DHX8: variants seen among roughly 807,000 people sequenced by gnomAD.
The protein encoded by DHX8 is DEAH-box helicase 8.
Under a neutral mutation model 140.7 loss-of-function variants are expected in DHX8, and 67 were observed. That is an observed-to-expected ratio of 0.48 (90% CI 0.39 to 0.58). DHX8 has a LOEUF of 0.58. Among genes scored for constraint, DHX8 ranks in the 20% least tolerant of loss-of-function variants. The probability of loss-of-function intolerance (pLI) is 0.00; values close to 1 mark genes in which losing one functional copy is unlikely to be tolerated. For synonymous variants in DHX8, 533 were observed against 553.2 expected, an observed-to-expected ratio of 0.96 and a Z score of 0.51; for missense variants, 887 against 1,550.7, an observed-to-expected ratio of 0.57 and a Z score of 7.19.
At chr17:43,508,601 T>C in intron 16 of DHX8, 81 bp downstream of exon 16, 1 of 933,370 alleles carries the variant, frequency 1.1e-6, no homozygotes, top group Non-Finnish European at 1.6e-6. Context: ...TAGGGATTGC[T>C]TAGGGTGTAT....
downstream of DHX8, chr17:43,529,256 G>A (rs1229711655): frequency 6.2e-7 from 1 of 1,612,286 alleles, no homozygotes; most frequent in East Asian, 2.2e-5. Flanking sequence ...AAACAGTTTT[G>A]GGGTAGAGAT....
chr17:43,523,936 C>A lies in DHX8; in HGVS notation c.*89C>A. 1 of 1,554,100 alleles carries A rather than the reference C, an allele frequency of 6.4e-7. No individual in the cohort carries two copies. The highest frequency in any genetic ancestry group is 2.3e-5 in the East Asian group (1 of 43,844). Reference sequence around the variant, plus strand: ...GGCTGGTCCTGAGGATACAGCTGTCCCGTGACTGACTGTCTTAACTGAGCA... The same window carrying A: ...GGCTGGTCCTGAGGATACAGCTGTCACGTGACTGACTGTCTTAACTGAGCA... On this transcript the variant is annotated 3_prime_UTR_variant, in exon 23 of 23. Coordinates refer to ENST00000262415, the MANE Select transcript of DHX8 (RefSeq NM_004941.3).
intron 16 of DHX8, among the ~76,000 whole-genome samples, chr17:43,510,240 G>T (rs1258527960): frequency 6.6e-6 from 1 of 151,690 alleles, no homozygotes; most frequent in African/African-American, 2.4e-5. Context: ...TAGAGACAGG[G>T]TTTCTCCATT....
intron 17 of DHX8, among the ~76,000 whole-genome samples, chr17:43,515,086 G>A (rs762707245): frequency 2.0e-5 from 3 of 151,998 alleles, no homozygotes; most frequent in Non-Finnish European, 4.4e-5. Context: ...TTTATATGTT[G>A]TCTTAATCTT....
At chr17:43,538,203 A>G (rs951727443) in intron 3 of DHX8, among the ~76,000 whole-genome samples, 7 of 151,112 alleles carry the variant, frequency 4.6e-5, no homozygotes, top group African/African-American at 1.7e-4. Flanking sequence ...ACTATTCCGG[A>G]GGCTGAGACA....
At chr17:43,496,652 T>A (rs1968877517) in intron 9 of DHX8, among the ~76,000 whole-genome samples, 1 of 151,936 alleles carries the variant, frequency 6.6e-6, no homozygotes, top group African/African-American at 2.4e-5. Context: ...TGGTGGCGCA[T>A]GCCTATCGTC....
chr17:43,489,306 G>A (rs988532434), intron 1 of DHX8, 143 bp from the exon 2 acceptor site: 2 of 607,150 alleles, frequency 3.3e-6, no homozygotes, highest in African/African-American at 3.8e-5. Context: ...CACCTGGCCA[G>A]ATTTTCTCTC....
At chr17:43,537,342 G>T (rs1021346357) in intron 3 of DHX8, among the ~76,000 whole-genome samples, 2 of 152,026 alleles carry the variant, frequency 1.3e-5, no homozygotes, top group African/African-American at 4.8e-5. Context: ...TCCAGCCTGG[G>T]CAACAAGAGT....
intron 9 of DHX8, among the ~76,000 whole-genome samples, chr17:43,498,002 C>T (rs540882127): frequency 6.6e-6 from 1 of 152,330 alleles, no homozygotes; most frequent in East Asian, 1.9e-4. Flanking sequence ...CATTTTCTCA[C>T]AGGCTTAACT....
chr17:43,484,182 C>T lies in DHX8; in HGVS notation c.145C>T (p.Leu49Phe), dbSNP rs889999899. The T allele has an allele frequency of 1.9e-6, 3 of 1,613,660 alleles. No individual in the cohort carries two copies. The highest frequency in any genetic ancestry group is 1.1e-5 in the South Asian group (1 of 91,064). Residue 49 changes from leucine to phenylalanine, a missense_variant, in exon 1 of 23, where the codon CTT becomes TTT. Around this residue, in one of 9 missense-constraint regions of DHX8, gnomAD observed 304 missense variants for 306.9 expected, o/e 0.99. Transcript: ENST00000262415. ...DNHLGINDKD[L>F]AEFVISLAEK... ...TCACTTGGGGATCAACGACAAGGAC[C>T]TTGGTGAGCTCGGGGAGGTCCCTGG...
chr17:43,498,972 G>A lies in DHX8; in HGVS notation c.1398+13G>A. 1 of 1,568,970 alleles carries A rather than the reference G, an allele frequency of 6.4e-7. No individual in the cohort carries two copies. Among genetic ancestry groups the A allele is most frequent in the Non-Finnish European group, 8.6e-7 (1 of 1,159,026 alleles). On this transcript the variant is annotated intron_variant, in intron 10 of 22. Coordinates refer to ENST00000262415, the MANE Select transcript of DHX8 (RefSeq NM_004941.3). ...TAAAATTGTCAAGGTGAGAATTACT[G>A]GACCTTTAACCTGGAAATGTCAAGT...
chr17:43,532,051 G>C (rs1186680955), intron 2 of DHX8, among the ~76,000 whole-genome samples: 1 of 152,198 alleles, frequency 6.6e-6, no homozygotes, highest in African/African-American at 2.4e-5. Context: ...ATAGACACGA[G>C]GTCTCACTTT....
At chr17:43,543,276 ACT>A (rs60214474) in intron 3 of DHX8, among the ~76,000 whole-genome samples, 58 of 138,152 alleles carry the variant, frequency 4.2e-4, no homozygotes, top group South Asian at 7.3e-4. Context: ...ACACACACAC[ACT>A]CTCTCTCTCT....
chr17:43,508,529 G>C lies in DHX8; in HGVS notation c.2502+9G>C. ...CACCAGGCAGCAGAAAGGTAACATGGGCAAAAATGAAGCTTCCATGTGCCC... is the reference window on the plus strand; with the variant it reads ...CACCAGGCAGCAGAAAGGTAACATGCGCAAAAATGAAGCTTCCATGTGCCC... On this transcript the variant is annotated intron_variant, in intron 16 of 22. Coordinates refer to ENST00000262415, the MANE Select transcript of DHX8 (RefSeq NM_004941.3). 1 of 1,599,210 alleles carries C rather than the reference G, an allele frequency of 6.3e-7. No homozygotes were observed. Among genetic ancestry groups the C allele is most frequent in the Non-Finnish European group, 8.5e-7 (1 of 1,171,414 alleles).
intron 9 of DHX8, among the ~76,000 whole-genome samples, chr17:43,498,085 A>T (rs1395455478): frequency 6.6e-6 from 1 of 151,738 alleles, no homozygotes; most frequent in Non-Finnish European, 1.5e-5. Flanking sequence ...TGATGGGGGA[A>T]TAGTCACCTG....
At chr17:43,531,573 G>A (rs1170674304), downstream of DHX8, among the ~76,000 whole-genome samples, 4 of 152,110 alleles carry the variant, frequency 2.6e-5, no homozygotes, top group African/African-American at 2.4e-5. Flanking sequence ...GCATGGTGAT[G>A]GGCACCTGTA....
At position 43,492,236 on chromosome 17, in the gene DHX8, G is replaced by A. The variant is rs753646807; in HGVS notation, c.447G>A (p.Leu149=). The A allele has an allele frequency of 6.2e-7, 1 of 1,613,964 alleles. No homozygotes were observed. Among genetic ancestry groups the A allele is most frequent in the South Asian group, 1.1e-5 (1 of 91,086 alleles). The stretch of plus-strand genomic sequence containing the variant: ...TTGCTGTGGATGTCCTGAAAGAACT[G>A]GAAGCTTTAATGCCCAGCGCAGCAG... The part of the protein sequence containing the change: ...VKVAVDVLKE[L]EALMPSAAGQ... Residue 149 remains leucine (L), a synonymous_variant, in exon 5 of 23, where the codon CTG becomes CTA. Transcript: ENST00000262415.
In DHX8 at chr17:43,510,313, G is replaced by A. The variant is rs546670245; in HGVS notation, c.2502+1793G>A. Among the ~76,000 whole-genome samples the A allele has an allele frequency of 5.9e-5, 9 of 152,254 alleles. No individual in the cohort carries two copies. In the South Asian group the frequency reaches 1.7e-3, roughly 28 times the overall value. Reference sequence around the variant, plus strand: ...TCTGCCCCCCTCGGCCTCCCAAAGCGCCGGGATTCCAGGTGTGAGCCACCG... The same window carrying A: ...TCTGCCCCCCTCGGCCTCCCAAAGCACCGGGATTCCAGGTGTGAGCCACCG... On this transcript the variant is annotated intron_variant, in intron 16 of 22. Transcript: ENST00000262415.
At chr17:43,505,273 G>A (rs1969425155) in intron 12 of DHX8, among the ~76,000 whole-genome samples, 1 of 152,192 alleles carries the variant, frequency 6.6e-6, no homozygotes, top group Non-Finnish European at 1.5e-5. Flanking sequence ...GCTGGGCGTG[G>A]TGGCGCATGC....
Sources: gnomAD v4.1 joint callset for allele counts (sites outside exome capture counted in the v4.1 genomes callset) on GRCh38, gnomAD v4.1.1 for gene constraint, gnomAD v4.1.1 regional missense constraint, MANE v1.5 for transcripts, NCBI Gene and HGNC (gene_info 2026-07-23, HGNC 2026-07-21) for gene names.